NOL4: variants seen among roughly 807,000 people sequenced by gnomAD.
NOL4 encodes the protein cancer/testis antigen 125.
Under a neutral mutation model 75.9 loss-of-function variants are expected in NOL4, and 17 were observed. The observed-to-expected ratio is 0.22, with a 90% CI of 0.15 to 0.34. The LOEUF is 0.34. Ranked by LOEUF, NOL4 falls within the 10% of genes least tolerant of loss-of-function variation. The pLI is 1.00. For missense variants in NOL4, 614 were observed against 793.5 expected, an observed-to-expected ratio of 0.77 and a Z score of 2.72; for synonymous variants, 292 against 289.9, an observed-to-expected ratio of 1.01 and a Z score of -0.07.
At chr18:34,123,601 A>T (rs1173744911) in intron 2 of NOL4, among the ~76,000 whole-genome samples, 1 of 147,268 alleles carries the variant, frequency 6.8e-6, no homozygotes, top group African/African-American at 2.5e-5. Context: ...AGAGAGATAG[A>T]TCTACATCTT....
At chr18:33,995,592 A>G (rs1433921254) in intron 6 of NOL4, among the ~76,000 whole-genome samples, 1 of 151,682 alleles carries the variant, frequency 6.6e-6, no homozygotes, top group African/African-American at 2.4e-5. Flanking sequence ...AATGAATCTC[A>G]GAGAAACGTC....
intron 5 of NOL4, among the ~76,000 whole-genome samples, chr18:34,041,767 A>C (rs988275509): frequency 1.3e-5 from 2 of 151,996 alleles, no homozygotes; most frequent in African/African-American, 4.8e-5. Context: ...AGTATCAATC[A>C]AAGTTAATTT....
intron 5 of NOL4, among the ~76,000 whole-genome samples, chr18:34,050,374 C>T (rs1422217269): frequency 1.3e-5 from 2 of 151,964 alleles, no homozygotes; most frequent in Non-Finnish European, 2.9e-5. Flanking sequence ...AATCAATCAA[C>T]CAGAATTATT....
intron 1 of NOL4, among the ~76,000 whole-genome samples, chr18:34,197,958 G>T (rs1004335328): frequency 1.3e-5 from 2 of 151,888 alleles, no homozygotes; most frequent in African/African-American, 4.8e-5. Context: ...AATATTCTAA[G>T]AAGTAATGGG....
At chr18:34,182,203 G>A (rs1752931535) in intron 1 of NOL4, among the ~76,000 whole-genome samples, 2 of 151,624 alleles carry the variant, frequency 1.3e-5, no homozygotes, top group Admixed American at 6.6e-5. Flanking sequence ...ATGGCATATC[G>A]GTATAATGGA....
At chr18:34,056,752 T>C (rs2076850176) in intron 5 of NOL4, among the ~76,000 whole-genome samples, 1 of 152,156 alleles carries the variant, frequency 6.6e-6, no homozygotes, top group Non-Finnish European at 1.5e-5. Flanking sequence ...GATCTTTTTT[T>C]TGGTTTTGCA....
At chr18:33,907,296 C>T (rs914457320) in intron 9 of NOL4, among the ~76,000 whole-genome samples, 4 of 140,606 alleles carry the variant, frequency 2.8e-5, no homozygotes, top group African/African-American at 1.1e-4. Context: ...TGCACTCCAG[C>T]CTGGGCGACA....
intron 9 of NOL4, among the ~76,000 whole-genome samples, chr18:33,893,908 A>G (rs2065244638): frequency 6.6e-6 from 1 of 152,178 alleles, no homozygotes; most frequent in African/African-American, 2.4e-5. Flanking sequence ...GTAAAATAGT[A>G]AACAAGTGGA....
intron 9 of NOL4, among the ~76,000 whole-genome samples, chr18:33,926,636 C>G (rs2067349164): frequency 6.6e-6 from 1 of 152,178 alleles, no homozygotes; most frequent in Non-Finnish European, 1.5e-5. Flanking sequence ...GAGTCTCGCT[C>G]TGTCACCAGG....
chr18:34,051,275 T>G (rs920567812), intron 5 of NOL4, among the ~76,000 whole-genome samples: 2 of 152,056 alleles, frequency 1.3e-5, no homozygotes, highest in African/African-American at 2.4e-5. Context: ...TAATATTTAA[T>G]AAAGCAAAGT....
At chr18:33,862,575 A>G (rs2063204299) in intron 10 of NOL4, among the ~76,000 whole-genome samples, 1 of 152,164 alleles carries the variant, frequency 6.6e-6, no homozygotes, top group Admixed American at 6.5e-5. Flanking sequence ...AATTTACAAG[A>G]AAAAAACAAA....
At chr18:34,028,063 T>C (rs2075436154) in intron 5 of NOL4, among the ~76,000 whole-genome samples, 1 of 152,232 alleles carries the variant, frequency 6.6e-6, no homozygotes, top group South Asian at 2.1e-4. Context: ...CTGTACTAAC[T>C]GTATCAATTT....
chr18:33,958,517 T>G, intron 6 of NOL4, 99 bp from the exon 7 acceptor site: 1 of 1,079,394 alleles, frequency 9.3e-7, no homozygotes, highest in East Asian at 2.4e-5. Flanking sequence ...AAAAATCTTG[T>G]TTATGAGTTG....
At chr18:34,029,292 C>T (rs1488146965) in intron 5 of NOL4, among the ~76,000 whole-genome samples, 2 of 152,090 alleles carry the variant, frequency 1.3e-5, no homozygotes, top group Non-Finnish European at 2.9e-5. Flanking sequence ...TCACTGTCTC[C>T]CTTATTGGGA....
At chr18:34,083,713 T>C (rs532077398) in intron 5 of NOL4, among the ~76,000 whole-genome samples, 2 of 152,336 alleles carry the variant, frequency 1.3e-5, no homozygotes, top group South Asian at 4.1e-4. Context: ...AGAGGTCTTT[T>C]ATGCTGTCTT....
intron 1 of NOL4, among the ~76,000 whole-genome samples, chr18:34,132,348 A>G (rs1305239773): frequency 1.3e-5 from 2 of 152,234 alleles, no homozygotes; most frequent in Non-Finnish European, 1.5e-5. Context: ...CCAACTACCA[A>G]TGGGTATGAG....
At chr18:34,090,529 G>A (rs1192032382) in intron 5 of NOL4, among the ~76,000 whole-genome samples, 1 of 152,074 alleles carries the variant, frequency 6.6e-6, no homozygotes, top group Non-Finnish European at 1.5e-5. Flanking sequence ...AAAGCAACAT[G>A]GTTAGATGTA....
intron 5 of NOL4, among the ~76,000 whole-genome samples, chr18:34,047,492 T>C (rs2076433560): frequency 6.6e-6 from 1 of 152,042 alleles, no homozygotes; most frequent in African/African-American, 2.4e-5. Context: ...ATAAATACAT[T>C]CAGGGGAATA....
chr18:34,013,277 T>C (rs12969533), intron 6 of NOL4, among the ~76,000 whole-genome samples: 1 of 151,938 alleles, frequency 6.6e-6, no homozygotes, highest in African/African-American at 2.4e-5. Flanking sequence ...ATTTTCTATA[T>C]ATTTCTTAAA....
Sources: allele counts gnomAD v4.1 joint callset (sites outside exome capture counted in the v4.1 genomes callset), GRCh38; gene constraint gnomAD v4.1.1; transcripts MANE v1.5; gene names NCBI Gene and HGNC (gene_info 2026-07-23, HGNC 2026-07-21).